Variants in ARGLU1 observed in about 807,000 individuals in gnomAD.
ARGLU1 encodes the protein arginine and glutamate-rich protein 1.
In ARGLU1, 9 loss-of-function variants were observed where a neutral mutation model predicts 37.6. The ratio of observed to expected loss-of-function variants is 0.24; its 90% CI spans 0.14 to 0.42. The LOEUF (loss-of-function observed/expected upper bound fraction) is 0.42. Ranked by LOEUF, ARGLU1 falls within the 10% of genes least tolerant of loss-of-function variation. ARGLU1 has a pLI of 1.00. For missense variants in ARGLU1, 211 were observed against 359.2 expected (o/e 0.59, Z 3.34); for synonymous variants, 166 against 138.5 (o/e 1.20, Z -1.39).
chr13:106,555,285 C>T (rs1566473057), intron 3 of ARGLU1, among the ~76,000 whole-genome samples: 1 of 152,038 alleles, frequency 6.6e-6, no homozygotes, highest in South Asian at 2.1e-4. Flanking sequence ...TGAACCCACC[C>T]AGGAGGTGGA....
Position 106,548,993 on chromosome 13 carries a change from C to T in ARGLU1, c.658-4833G>A, listed in dbSNP as rs551711245. 5.9e-5 allele frequency among the ~76,000 whole-genome samples: 9 copies of T among 152,248 alleles called. No individual in the cohort carries two copies. In the East Asian group the frequency reaches 7.8e-4, roughly 13 times the overall value. On this transcript the variant is annotated intron_variant, in intron 3 of 3. Coordinates refer to ENST00000400198, the MANE Select transcript of ARGLU1 (RefSeq NM_018011.4). ...GTCTAGATCTTCTGACCTTGTGATC[C>T]GCCTGCCCTGGCCTCCCAAAGTGCT...
Position 106,557,168 on chromosome 13 carries a change from A to G in ARGLU1, c.574-37T>C. On this transcript the variant is annotated intron_variant, in intron 2 of 3. Transcript: ENST00000400198. The surrounding 1 kb of genome is among the most constrained non-coding windows in gnomAD (Gnocchi z 5.0). ...GATATGTTAAGATATTAGAAAAACA[A>G]AATGTTTATTTTTATTGATAAATAT... is the stretch of plus-strand genomic sequence containing the variant. 1 of 1,526,510 alleles carries G rather than the reference A, an allele frequency of 6.6e-7. No homozygotes were observed. Among genetic ancestry groups the G allele is most frequent in the Non-Finnish European group, 9.1e-7 (1 of 1,103,980 alleles). The allele number at this position is 1,526,510 out of a possible 1,614,324, so 94.6% of individuals were successfully genotyped here.
In ARGLU1 at chr13:106,542,652, A is replaced by G. The variant is rs375614154; in HGVS notation, c.*1344T>C. 6.6e-6 allele frequency: 1 copy of G among 152,212 alleles called. No individual in the cohort carries two copies. Among genetic ancestry groups the G allele is most frequent in the Admixed American group, 6.5e-5 (1 of 15,288 alleles). The allele number at this position is 152,212 out of a possible 1,614,324, so 9.4% of individuals were successfully genotyped here. ...TCAAACTGTCTAAAAAATATTGGGCAAAAATAAAAATATTTTCTCTACTTG... is the reference window on the plus strand; with the variant it reads ...TCAAACTGTCTAAAAAATATTGGGCGAAAATAAAAATATTTTCTCTACTTG... On this transcript the variant is annotated 3_prime_UTR_variant, in exon 4 of 4. Transcript: ENST00000400198.
intron 1 of ARGLU1, among the ~76,000 whole-genome samples, chr13:106,560,203 T>C (rs926086748): frequency 6.6e-6 from 1 of 152,238 alleles, no homozygotes; most frequent in Admixed American, 6.5e-5. Flanking sequence ...AGTTTTGAAC[T>C]GAAGTTCTTT....
At chr13:106,553,291 G>A (rs994498499) in intron 3 of ARGLU1, among the ~76,000 whole-genome samples, 12 of 152,092 alleles carry the variant, frequency 7.9e-5, no homozygotes, top group South Asian at 4.2e-4. Context: ...TTTGTATTTA[G>A]CTACCTCCTA....
chr13:106,544,575 C>T (rs1880344585), intron 3 of ARGLU1, among the ~76,000 whole-genome samples: 1 of 152,020 alleles, frequency 6.6e-6, no homozygotes, highest in Non-Finnish European at 1.5e-5. Flanking sequence ...TTGTTCTATA[C>T]CTATTTTTAT....
At chr13:106,564,828 C>T (rs1019372739) in intron 1 of ARGLU1, among the ~76,000 whole-genome samples, 2 of 152,166 alleles carry the variant, frequency 1.3e-5, no homozygotes, top group African/African-American at 4.8e-5. Context: ...CTCTTATCCC[C>T]TTTCCCTCTC....
intron 2 of ARGLU1, chr13:106,558,296 A>G (rs1289414493): frequency 3.0e-6 from 3 of 984,734 alleles, no homozygotes; most frequent in East Asian, 1.1e-4. Flanking sequence ...GAAACCCACT[A>G]TAAATATAAG....
At chr13:106,545,982 A>C (rs890936306) in intron 3 of ARGLU1, among the ~76,000 whole-genome samples, 1 of 152,160 alleles carries the variant, frequency 6.6e-6, no homozygotes, top group African/African-American at 2.4e-5. Flanking sequence ...TCAAGATTTA[A>C]ATTCTTCCAC....
At chr13:106,566,935 G>C (rs1880980982) in intron 1 of ARGLU1, among the ~76,000 whole-genome samples, 1 of 151,580 alleles carries the variant, frequency 6.6e-6, no homozygotes, top group African/African-American at 2.4e-5. Context: ...TAAGGTCTAT[G>C]CTTTTTTTTT....
Position 106,543,062 on chromosome 13 carries a change from G to A in ARGLU1, c.*934C>T, listed in dbSNP as rs185000451. ...CTTATATCCTAAAACAGAGGCACAG[G>A]TTTGAGAATTTAAATCTTCTGGATG... On this transcript the variant is annotated 3_prime_UTR_variant, in exon 4 of 4. Transcript: ENST00000400198. 2.0e-5 allele frequency: 3 copies of A among 151,960 alleles called. No homozygotes were observed. Among genetic ancestry groups the A allele is most frequent in the African/African-American group, 7.2e-5 (3 of 41,402 alleles). 9.4% of individuals were successfully genotyped at this position (151,960 alleles called of 1,614,324 possible).
Position 106,567,745 on chromosome 13 carries a change from G to A in ARGLU1, c.175C>T (p.Arg59Cys), listed in dbSNP as rs1234513383. The change falls in exon 1 of 4, where the codon CGC becomes TGC. Residue 59 changes from arginine (R) to cysteine (C), a missense_variant. Physicochemically the swap from Arg to Cys is radical, Grantham distance 180. This residue lies in a region of ARGLU1 where 130 missense variants were observed against 179.8 expected (regional missense o/e 0.72). Coordinates refer to ENST00000400198, the MANE Select transcript of ARGLU1 (RefSeq NM_018011.4). This position sits in a 1 kb window ranked among gnomAD's most constrained non-coding sequence, Gnocchi z 4.3. The stretch of plus-strand genomic sequence containing the variant: ...CGGGACACGGCCGTGTTGGTGGAGC[G>A]CGAACGGGACCGCGACTCCCGCCGC... ...NRRRESRSRS[R>C]STNTAVSRRE... The A allele has an allele frequency of 1.2e-6, 2 of 1,611,364 alleles. No individual in the cohort carries two copies. Among genetic ancestry groups the A allele is most frequent in the Admixed American group, 1.7e-5 (1 of 59,904 alleles).
intron 1 of ARGLU1, among the ~76,000 whole-genome samples, chr13:106,563,010 A>AAC (rs1491185666): frequency 1.4e-4 from 5 of 35,732 alleles, no homozygotes; most frequent in African/African-American, 4.5e-4. Context: ...AAAAAAAAAC[A>AAC]AAAAAAAAAA....
Position 106,567,928 on chromosome 13 carries a change from G to A in ARGLU1, c.-9C>T. 1.2e-6 allele frequency: 2 copies of A among 1,604,104 alleles called. No homozygotes were observed. Among genetic ancestry groups the A allele is most frequent in the Non-Finnish European group, 8.5e-7 (1 of 1,178,748 alleles). On this transcript the variant is annotated 5_prime_UTR_variant, in exon 1 of 4. Coordinates refer to ENST00000400198, the MANE Select transcript of ARGLU1 (RefSeq NM_018011.4). This position sits in a 1 kb window ranked among gnomAD's most constrained non-coding sequence, Gnocchi z 4.3. ...CTCCGAGACCGGCCCATCCTTCCGG[G>A]AGACGCTCTAACCGCTCGCCTCAGG...
chr13:106,551,454 G>A (rs1880528276), intron 3 of ARGLU1, among the ~76,000 whole-genome samples: 1 of 152,148 alleles, frequency 6.6e-6, no homozygotes, highest in Non-Finnish European at 1.5e-5. Flanking sequence ...GCCCTAACCA[G>A]AAGCACCTTT....
At chr13:106,544,739 G>A (rs1432511052) in intron 3 of ARGLU1, among the ~76,000 whole-genome samples, 1 of 152,004 alleles carries the variant, frequency 6.6e-6, no homozygotes, top group Admixed American at 6.6e-5. Flanking sequence ...ATCTCCACTG[G>A]GGCTTTTTGT....
chr13:106,541,914 A>C lies in ARGLU1; in HGVS notation c.*2082T>G, dbSNP rs1192098052. 6.6e-6 allele frequency: 1 copy of C among 152,218 alleles called. No homozygotes were observed. Among genetic ancestry groups the C allele is most frequent in the Non-Finnish European group, 1.5e-5 (1 of 68,028 alleles). 9.4% of individuals were successfully genotyped at this position (152,218 alleles called of 1,614,324 possible). A position where few individuals can be genotyped will look rare whatever the true frequency, so the allele number is the denominator to read the frequency against. ...CAAAGGCAGTGGGAACAAATGAAAA[A>C]AACAAATTACTACATTGTTGCAGCA... On this transcript the variant is annotated 3_prime_UTR_variant, in exon 4 of 4. Coordinates refer to ENST00000400198, the MANE Select transcript of ARGLU1 (RefSeq NM_018011.4).
chr13:106,558,557 G>C, intron 2 of ARGLU1: 5 of 985,442 alleles, frequency 5.1e-6, no homozygotes, highest in Non-Finnish European at 6.0e-6. Context: ...GGGCTGTAAA[G>C]TAATTTGCCT....
Position 106,554,658 on chromosome 13 carries a change from G to A in ARGLU1, c.657+2390C>T, listed in dbSNP as rs185208788. ...TCCCAGCACTTTGGGAGGACGGTGC[G>A]GGTGGATCACAAGGTCAAGAGTTTG... On this transcript the variant is annotated intron_variant, in intron 3 of 3. Coordinates refer to ENST00000400198, the MANE Select transcript of ARGLU1 (RefSeq NM_018011.4). 2.5e-3 allele frequency among the ~76,000 whole-genome samples: 381 copies of A among 152,138 alleles called. 4 individuals are homozygous for A. The highest frequency in any genetic ancestry group is 8.4e-3 in the African/African-American group (347 of 41,510).
Sources: gnomAD v4.1 joint callset for allele counts (sites outside exome capture counted in the v4.1 genomes callset) on GRCh38, gnomAD v4.1.1 for gene constraint, gnomAD v4.1.1 regional missense constraint, Gnocchi (gnomAD v3.1) non-coding constraint, MANE v1.5 for transcripts, NCBI Gene and HGNC (gene_info 2026-07-23, HGNC 2026-07-21) for gene names.